Variants in TRHDE observed in about 807,000 individuals in gnomAD.
TRHDE encodes thyrotropin releasing hormone degrading enzyme.
In TRHDE, 72 loss-of-function variants were observed where a neutral mutation model predicts 125.7. That is an observed-to-expected ratio of 0.57 (90% confidence interval 0.47 to 0.70). TRHDE has a LOEUF of 0.70. TRHDE is among the 30% of genes least tolerant of loss of function. The pLI, the probability that TRHDE is intolerant of heterozygous loss-of-function variation, is 0.00. For synonymous variants in TRHDE, 509 were observed against 509.1 expected (o/e 1.00, Z 0.00); for missense variants, 1,110 against 1,327.1 (o/e 0.84, Z 2.54).
intron 9 of TRHDE, among the ~76,000 whole-genome samples, chr12:72,565,152 C>T (rs539226790): frequency 6.6e-6 from 1 of 152,128 alleles, no homozygotes; most frequent in South Asian, 2.1e-4. Context: ...AGCTTCAATA[C>T]GATTCTCTCT....
intron 2 of TRHDE, among the ~76,000 whole-genome samples, chr12:72,176,620 T>C (rs1270642493): frequency 6.6e-6 from 1 of 152,212 alleles, no homozygotes; most frequent in Non-Finnish European, 1.5e-5. Flanking sequence ...GAAACTGTTA[T>C]TAAATCTATG....
intron 6 of TRHDE, among the ~76,000 whole-genome samples, chr12:72,530,415 G>C (rs1481869040): frequency 1.9e-5 from 1 of 52,436 alleles, no homozygotes; most frequent in Non-Finnish European, 3.1e-5. Flanking sequence ...TTTCCTAGAA[G>C]CTTTTTTTTT....
chr12:72,336,342 T>C (rs1432426431), intron 2 of TRHDE, among the ~76,000 whole-genome samples: 1 of 152,208 alleles, frequency 6.6e-6, no homozygotes, highest in African/African-American at 2.4e-5. Context: ...ATTCATATTA[T>C]CTATGAATGA....
At chr12:72,465,604 T>C (rs1457274893) in intron 3 of TRHDE, among the ~76,000 whole-genome samples, 1 of 152,180 alleles carries the variant, frequency 6.6e-6, no homozygotes, top group African/African-American at 2.4e-5. Context: ...ATACTTTATT[T>C]ATTCACCTAT....
In TRHDE at chr12:72,652,376, T is replaced by A. The variant is rs762422911; in HGVS notation, c.2730T>A (p.Asp910Glu). 1.2e-6 allele frequency: 2 copies of A among 1,606,544 alleles called. No individual in the cohort carries two copies. Among genetic ancestry groups the A allele is most frequent in the African/African-American group, 2.7e-5 (2 of 74,378 alleles). ...IVYCTGVSLLDEDVWEFIWMK... is the reference protein window; with the variant it reads ...IVYCTGVSLLEEDVWEFIWMK... ...ACTGTACAGGAGTGTCACTACTGGA[T>A]GAGGATGTCTGGGAATTCATATGGA... Residue 910 changes from aspartate (D) to glutamate (E), a missense_variant, in exon 16 of 19, where the codon GAT becomes GAA. Transcript: ENST00000261180.
intron 12 of TRHDE, among the ~76,000 whole-genome samples, chr12:72,609,997 T>TA (rs1872575117): frequency 6.6e-6 from 1 of 152,168 alleles, no homozygotes; most frequent in Non-Finnish European, 1.5e-5. Flanking sequence ...TCCATGGAAA[T>TA]CATAAACTCT....
intron 3 of TRHDE, among the ~76,000 whole-genome samples, chr12:72,389,505 T>C (rs1872548753): frequency 6.6e-6 from 1 of 152,202 alleles, no homozygotes; most frequent in Non-Finnish European, 1.5e-5. Flanking sequence ...TATTTTCTCA[T>C]GGTTCTGGAG....
At chr12:72,153,485 G>A (rs1876421275) in intron 2 of TRHDE, among the ~76,000 whole-genome samples, 1 of 152,292 alleles carries the variant, frequency 6.6e-6, no homozygotes, top group Middle Eastern at 3.4e-3. Flanking sequence ...TAATTGTGAT[G>A]TTAGGTTGTC....
intron 15 of TRHDE, among the ~76,000 whole-genome samples, chr12:72,640,048 T>G (rs61933815): frequency 6.6e-6 from 1 of 152,192 alleles, no homozygotes; most frequent in East Asian, 1.9e-4. Flanking sequence ...CCAGCTTCCC[T>G]GCTGCTTTGT....
intron 2 of TRHDE, among the ~76,000 whole-genome samples, chr12:72,224,106 C>CTATCTATCTATG (rs1565666572): frequency 2.2e-5 from 1 of 45,100 alleles, no homozygotes; most frequent in East Asian, 3.4e-4. Flanking sequence ...ATCTATCTAT[C>CTATCTATCTATG]TATCTATCTA....
At chr12:72,326,187 C>CA (rs1378475880) in intron 2 of TRHDE, among the ~76,000 whole-genome samples, 2 of 152,032 alleles carry the variant, frequency 1.3e-5, no homozygotes, top group African/African-American at 4.8e-5. Flanking sequence ...GACTTGTAGT[C>CA]AAAAAAGACA....
intron 2 of TRHDE, among the ~76,000 whole-genome samples, chr12:72,109,630 T>TAAACAAAACAAAACA (rs10522997): frequency 0.025 from 3,806 of 151,104 alleles, 106 homozygotes; most frequent in Non-Finnish European, 0.034. Context: ...AACAATGTTT[T>TAAACAAAACAAAACA]AAACAAAACA....
intron 3 of TRHDE, among the ~76,000 whole-genome samples, chr12:72,448,346 G>A (rs1302397204): frequency 1.2e-4 from 18 of 152,032 alleles, no homozygotes; most frequent in Non-Finnish European, 2.5e-4. Flanking sequence ...ATTTGGGCTA[G>A]CAATAAGGCT....
chr12:72,330,297 T>G (rs1242671615), intron 2 of TRHDE, among the ~76,000 whole-genome samples: 1 of 140,192 alleles, frequency 7.1e-6, no homozygotes, highest in Non-Finnish European at 1.5e-5. Context: ...ACCCCCCACC[T>G]CCCAATTCTT....
chr12:72,266,581 T>C (rs1879075346), intron 2 of TRHDE, among the ~76,000 whole-genome samples: 1 of 151,632 alleles, frequency 6.6e-6, no homozygotes, highest in African/African-American at 2.4e-5. Flanking sequence ...ACTTACCATG[T>C]GCTAGGCACT....
At chr12:72,331,894 A>G (rs1353773813) in intron 2 of TRHDE, among the ~76,000 whole-genome samples, 1 of 152,200 alleles carries the variant, frequency 6.6e-6, no homozygotes, top group East Asian at 1.9e-4. Flanking sequence ...CCTTGTCTAT[A>G]TTCTTTACTT....
rs12308854 is a variant in TRHDE, at chr12:72,388,124, A to C, written c.1315+10003A>C. ...GCTGTTTCTCCAACAGGCCAAACCC[A>C]TTCCAACCCAAGGCCTTTGTTCTTG... On this transcript the variant is annotated intron_variant, in intron 3 of 18. Transcript: ENST00000261180. Among the ~76,000 whole-genome samples, 3 of 151,584 alleles carry C rather than the reference A, an allele frequency of 2.0e-5. No individual in the cohort carries two copies. The East Asian group carries it at 5.8e-4, about 29-fold the overall frequency.
intron 15 of TRHDE, among the ~76,000 whole-genome samples, chr12:72,642,553 C>A (rs528706624): frequency 3.9e-5 from 6 of 152,040 alleles, no homozygotes; most frequent in African/African-American, 1.4e-4. Context: ...AAGCATTACC[C>A]CGGGATTCAT....
intron 3 of TRHDE, among the ~76,000 whole-genome samples, chr12:72,440,358 C>T (rs1874945816): frequency 6.6e-6 from 1 of 151,806 alleles, no homozygotes; most frequent in African/African-American, 2.4e-5. Flanking sequence ...ATCATTAGGT[C>T]ATAGGCTTTT....
Sources: allele counts gnomAD v4.1 joint callset (sites outside exome capture counted in the v4.1 genomes callset), GRCh38; gene constraint gnomAD v4.1.1; transcripts MANE v1.5; gene names NCBI Gene and HGNC (gene_info 2026-07-23, HGNC 2026-07-21).